The following REL variants were observed in gnomAD, a reference collection of about 807,000 sequenced individuals.
REL encodes REL proto-oncogene, NF-kB subunit, also known as proto-oncogene c-Rel.
In REL, 15 loss-of-function variants were observed where a neutral mutation model predicts 45.9. The observed-to-expected ratio is 0.33, with a 90% CI of 0.22 to 0.50. The LOEUF is 0.50. REL is among the 20% of genes least tolerant of loss of function. The pLI, the probability that REL is intolerant of heterozygous loss-of-function variation, is 0.98. For missense variants in REL, 601 were observed against 715.2 expected (o/e 0.84, Z 1.82); for synonymous variants, 239 against 242.1 (o/e 0.99, Z 0.12).
chr2:60,917,085 T>A (rs1673989128), intron 5 of REL, 68 bp downstream of exon 5: 1 of 1,348,528 alleles, frequency 7.4e-7, no homozygotes, highest in Non-Finnish European at 1.0e-6. Flanking sequence ...TTCTTAAAAT[T>A]ATTTTGGTAA....
At position 60,916,970 on chromosome 2, in the gene REL, TGAC is replaced by T. The variant is rs1673980528; in HGVS notation, c.492_494del (p.Thr165del). ...TTTCTCCCTGATGAACATGGTAATT[TGAC>T]GACTGCTCTTCCTCCTGTTGTCTCG... On this transcript the variant is annotated inframe_deletion, in exon 5 of 10. Coordinates refer to ENST00000394479, the MANE Select transcript of REL (RefSeq NM_001291746.2). 1 of 1,613,544 alleles carries T rather than the reference TGAC, an allele frequency of 6.2e-7. No homozygotes were observed. The highest frequency in any genetic ancestry group is 8.5e-7 in the Non-Finnish European group (1 of 1,179,686).
At chr2:60,920,833 G>T (rs1674121938) in intron 9 of REL, among the ~76,000 whole-genome samples, 191 bp downstream of exon 9, 1 of 152,114 alleles carries the variant, frequency 6.6e-6, no homozygotes, top group African/African-American at 2.4e-5. Context: ...TTATGTTTTT[G>T]GGATTTATTG....
chr2:60,903,834 G>A (rs950178805), intron 4 of REL, among the ~76,000 whole-genome samples: 6 of 151,904 alleles, frequency 3.9e-5, no homozygotes, highest in Non-Finnish European at 8.8e-5. Context: ...CCTGGCCAGA[G>A]TTTCTGTATT....
At chr2:60,895,442 A>G (rs1467298072) in intron 3 of REL, among the ~76,000 whole-genome samples, 13 of 152,098 alleles carry the variant, frequency 8.5e-5, no homozygotes, top group Admixed American at 8.5e-4. Flanking sequence ...TGGCCTCCCA[A>G]AGTGCTTGGG....
intron 3 of REL, 97 bp from the exon 4 acceptor site, chr2:60,900,895 C>A: frequency 2.0e-6 from 2 of 1,012,824 alleles, no homozygotes; most frequent in Non-Finnish European, 1.5e-6. Flanking sequence ...GTATGTACAA[C>A]TGACAGCATG....
intron 1 of REL, among the ~76,000 whole-genome samples, chr2:60,887,819 AAATATTT>A (rs1673106738): frequency 6.6e-6 from 1 of 151,806 alleles, no homozygotes; most frequent in Admixed American, 6.6e-5. Context: ...TACTATTTAA[AAATATTT>A]AATCTTTTCA....
At position 60,929,992 on chromosome 2, in the gene REL, C is replaced by CA. The variant is rs879340463; in HGVS notation, c.*7469dup. 702 of 133,778 alleles carry CA rather than the reference C, an allele frequency of 5.2e-3. 8 individuals carry two copies. Among genetic ancestry groups the CA allele is most frequent in the African/African-American group, 0.014 (496 of 36,360 alleles). 8.3% of individuals were successfully genotyped at this position (133,778 alleles called of 1,614,324 possible). A position where few individuals can be genotyped will look rare whatever the true frequency, so the allele number is the denominator to read the frequency against. The stretch of plus-strand genomic sequence containing the variant: ...CTCCAGCCTGGGCAAGACCCTGTCT[C>CA]AAAAAAAAAAAAGACTTAGAATTGG... On this transcript the variant is annotated 3_prime_UTR_variant, in exon 10 of 10. Transcript: ENST00000394479.
At chr2:60,914,842 T>TGTTTTTTTG (rs1383382220) in intron 4 of REL, among the ~76,000 whole-genome samples, 1 of 151,006 alleles carries the variant, frequency 6.6e-6, no homozygotes, top group African/African-American at 2.4e-5. Context: ...TTTGTTTTTT[T>TGTTTTTTTG]TTTTTTTTTG....
At chr2:60,914,537 T>G (rs72887239) in intron 4 of REL, among the ~76,000 whole-genome samples, 14 of 152,316 alleles carry the variant, frequency 9.2e-5, no homozygotes, top group African/African-American at 3.4e-4. Flanking sequence ...ATATTTAAAA[T>G]AAACTTTTAT....
Position 60,924,343 on chromosome 2 carries a change from G to C in REL, c.*1808G>C, listed in dbSNP as rs1267061106. The C allele has an allele frequency of 4.6e-6, 1 of 218,226 alleles. No homozygotes were observed. Among genetic ancestry groups the C allele is most frequent in the Admixed American group, 5.8e-5 (1 of 17,262 alleles). The allele number at this position is 218,226 out of a possible 1,614,324, so 13.5% of individuals were successfully genotyped here. The stretch of plus-strand genomic sequence containing the variant: ...TTTATTGTTGAATCTCCAATTTGTA[G>C]AAAAATGCCTACCTTATATTAAACA... On this transcript the variant is annotated 3_prime_UTR_variant, in exon 10 of 10. Coordinates refer to ENST00000394479, the MANE Select transcript of REL (RefSeq NM_001291746.2).
intron 2 of REL, among the ~76,000 whole-genome samples, chr2:60,893,516 A>G (rs1478585538): frequency 6.6e-6 from 1 of 152,128 alleles, no homozygotes; most frequent in Non-Finnish European, 1.5e-5. Context: ...TATTTCTAAG[A>G]TATGTATTTT....
At position 60,918,458 on chromosome 2, in the gene REL, T is replaced by C. The variant is rs1281783645; in HGVS notation, c.705T>C (p.Asp235=). The C allele has an allele frequency of 6.2e-7, 1 of 1,614,090 alleles. No individual in the cohort carries two copies. The highest frequency in any genetic ancestry group is 1.7e-5 in the Admixed American group (1 of 59,996). The change falls in exon 7 of 10, where the codon GAT becomes GAC. Residue 235 remains aspartate, a synonymous_variant. Transcript: ENST00000394479. ...WEAKGIFSQA[D]VHRQVAIVFK... ...CAAAAGGCATCTTTTCACAAGCTGA[T>C]GTACACCGTCAAGTAGCCATTGTTT... is the stretch of plus-strand genomic sequence containing the variant.
intron 4 of REL, among the ~76,000 whole-genome samples, chr2:60,913,331 G>C (rs1417485088): frequency 6.6e-6 from 1 of 151,928 alleles, no homozygotes; most frequent in Admixed American, 6.6e-5. Context: ...TAAAATACCA[G>C]TCATTTTCTG....
intron 5 of REL, among the ~76,000 whole-genome samples, chr2:60,917,530 GTTTT>G (rs758484837): frequency 7.8e-6 from 1 of 128,752 alleles, no homozygotes; most frequent in South Asian, 2.4e-4. Flanking sequence ...TTTTTTATTG[GTTTT>G]TTTTTTTTTT....
rs540051840 is a variant in REL at position 60,900,814 on chromosome 2, G to A, written c.303-178G>A. 6.8e-4 allele frequency: 375 copies of A among 549,880 alleles called. 8 individuals are homozygous for A. In the South Asian group the frequency reaches 7.3e-3, roughly 11 times the overall value. 34.1% of individuals were successfully genotyped at this position (549,880 alleles called of 1,614,324 possible). On this transcript the variant is annotated intron_variant, in intron 3 of 9. Transcript: ENST00000394479. Reference sequence around the variant, plus strand: ...CTGGGATTACAGGCACAAGCCACGCGCCCAGCCATATAATCCCACTTCTTA... The same window carrying A: ...CTGGGATTACAGGCACAAGCCACGCACCCAGCCATATAATCCCACTTCTTA...
chr2:60,902,545 A>G lies in REL; in HGVS notation c.394+1462A>G, dbSNP rs1243506375. 4.9e-4 allele frequency among the ~76,000 whole-genome samples: 63 copies of G among 129,862 alleles called. 1 individual carries two copies. The highest frequency in any genetic ancestry group is 8.6e-5 in the Non-Finnish European group (5 of 58,356). 85.2% of individuals were successfully genotyped at this position (129,862 alleles called of 152,430 possible). A position where few individuals can be genotyped will look rare whatever the true frequency, so the allele number is the denominator to read the frequency against. ...TACTTACAAATCTGTTTTTTTTTTT[A>G]ACAGAATATTTTATTGTTTGGGTAG... On this transcript the variant is annotated intron_variant, in intron 4 of 9. Transcript: ENST00000394479.
chr2:60,922,142 C>T lies in REL; in HGVS notation c.1371C>T (p.Asn457=). 6.2e-7 allele frequency: 1 copy of T among 1,614,178 alleles called. No individual in the cohort carries two copies. Among genetic ancestry groups the T allele is most frequent in the South Asian group, 1.1e-5 (1 of 91,086 alleles). Reference sequence around the variant, plus strand: ...ATTTATATGGTATTTCTGATCCCAACATGCTGTCTAATTGTTCTGTGAATA... The same window carrying T: ...ATTTATATGGTATTTCTGATCCCAATATGCTGTCTAATTGTTCTGTGAATA... ...SADLYGISDP[N]MLSNCSVNMM... is the part of the protein sequence containing the mutation. Residue 457 remains asparagine (N), a synonymous_variant, in exon 10 of 10, where the codon AAC becomes AAT. Coordinates refer to ENST00000394479, the MANE Select transcript of REL (RefSeq NM_001291746.2).
At chr2:60,901,441 C>T (rs192171024) in intron 4 of REL, among the ~76,000 whole-genome samples, 2 of 152,250 alleles carry the variant, frequency 1.3e-5, no homozygotes, top group East Asian at 1.9e-4. Flanking sequence ...GGATTACAGG[C>T]GTGAGCCATT....
In REL at chr2:60,881,867, C is replaced by T. The variant is rs1038994806; in HGVS notation, c.10+17C>T. On this transcript the variant is annotated intron_variant, in intron 1 of 9. Transcript: ENST00000394479. ...TGGCCTCCGGTGAGTGTTCATGGGG[C>T]GCGGGCCTGGGCCGGGGGAAAGGAG... 4 of 1,473,296 alleles carry T rather than the reference C, an allele frequency of 2.7e-6. No individual in the cohort carries two copies. Among genetic ancestry groups the T allele is most frequent in the Non-Finnish European group, 3.6e-6 (4 of 1,111,226 alleles). The allele number at this position is 1,473,296 out of a possible 1,614,324, so 91.3% of individuals were successfully genotyped here.
Sources: gnomAD v4.1 joint callset for allele counts (sites outside exome capture counted in the v4.1 genomes callset) on GRCh38, gnomAD v4.1.1 for gene constraint, MANE v1.5 for transcripts, NCBI Gene and HGNC (gene_info 2026-07-23, HGNC 2026-07-21) for gene names.